Variants in APOD observed in about 807,000 individuals in gnomAD.
APOD encodes the protein apo-D.
In APOD, 22 loss-of-function variants were observed where a neutral mutation model predicts 20.4. That is an observed-to-expected ratio of 1.08 (90% CI 0.77 to 1.54). The LOEUF (loss-of-function observed/expected upper bound fraction) is 1.54, where lower values mean the gene tolerates loss of function less well. APOD is among the 40% of genes most tolerant of loss of function. The pLI, the probability that APOD is intolerant of heterozygous loss-of-function variation, is 0.00. For synonymous variants in APOD, 97 were observed against 92.4 expected, an observed-to-expected ratio of 1.05 and a Z score of -0.29; for missense variants, 223 against 229.6, an observed-to-expected ratio of 0.97 and a Z score of 0.19.
intron 2 of APOD, 129 bp from the exon 3 acceptor site, chr3:195,574,100 G>T: frequency 8.1e-7 from 1 of 1,237,540 alleles, no homozygotes; most frequent in Non-Finnish European, 1.1e-6. Context: ...TGTTCCCAGT[G>T]GCAACTGGGC....
At chr3:195,582,203 C>A (rs1720350724) in intron 1 of APOD, among the ~76,000 whole-genome samples, 1 of 151,888 alleles carries the variant, frequency 6.6e-6, no homozygotes, top group Non-Finnish European at 1.5e-5. Flanking sequence ...TCAAAACAAG[C>A]AAACAAACAA....
chr3:195,574,543 C>T (rs1720219440), intron 2 of APOD, among the ~76,000 whole-genome samples: 1 of 152,110 alleles, frequency 6.6e-6, no homozygotes, highest in Non-Finnish European at 1.5e-5. Flanking sequence ...ACCAGGCCCT[C>T]CTAGGCTGCC....
chr3:195,578,428 G>A (rs1157015917), intron 2 of APOD, among the ~76,000 whole-genome samples: 1 of 152,056 alleles, frequency 6.6e-6, no homozygotes, highest in African/African-American at 2.4e-5. Context: ...TAACAACTTC[G>A]ATGTTACTGT....
chr3:195,579,530 T>C lies in APOD; in HGVS notation c.-34-35A>G, dbSNP rs552435020. On this transcript the variant is annotated intron_variant, in intron 1 of 4. Transcript: ENST00000343267. ...CGCAAAGCAGCTGGGGTTGTCATTCTGAGCCTTCTAAGGCCACACAATCAT... is the reference window on the plus strand; with the variant it reads ...CGCAAAGCAGCTGGGGTTGTCATTCCGAGCCTTCTAAGGCCACACAATCAT... 21 of 1,588,930 alleles carry C rather than the reference T, an allele frequency of 1.3e-5. No individual in the cohort carries two copies. In the African/African-American group the frequency reaches 1.9e-4, roughly 14 times the overall value.
chr3:195,581,778 A>T (rs1233913582), intron 1 of APOD, among the ~76,000 whole-genome samples: 1 of 152,236 alleles, frequency 6.6e-6, no homozygotes, highest in Non-Finnish European at 1.5e-5. Context: ...TTGTGAGCTG[A>T]AACAGATTCT....
chr3:195,573,725 C>A, intron 3 of APOD, 125 bp downstream of exon 3: 1 of 1,273,524 alleles, frequency 7.9e-7, no homozygotes. Flanking sequence ...CCTCTCAATT[C>A]CTGCTAGGAG....
chr3:195,571,401 C>CGAAAAGA, intron 3 of APOD, 36 bp from the exon 4 acceptor site: 1 of 1,572,340 alleles, frequency 6.4e-7, no homozygotes, highest in East Asian at 2.2e-5. Flanking sequence ...ATACAAAAAA[C>CGAAAAGA]GAAAAGAGAA....
intron 3 of APOD, among the ~76,000 whole-genome samples, chr3:195,572,821 G>A (rs185582057): frequency 1.1e-3 from 160 of 152,140 alleles, no homozygotes; most frequent in Non-Finnish European, 1.5e-3. Context: ...GACCAGCCTG[G>A]CCAACACAGT....
At position 195,569,018 on chromosome 3, in the gene APOD, C is replaced by T; in HGVS notation, c.452G>A (p.Arg151Lys). Residue 151 changes from arginine (R) to lysine (K), a missense_variant, in exon 5 of 5, where the codon AGA (arginine) becomes AAA (lysine). By Grantham distance (26) the Arg-to-Lys change is conservative (BLOSUM62 2). Transcript: ENST00000343267. ...FHVDFAWILA[R>K]NPNLPPETVD... ...TGTTTCTGGAGGGAGATTAGGGTTT[C>T]TTGCCAAGATCCAAGCAAAATCCAC... The T allele has an allele frequency of 3.1e-6, 5 of 1,614,084 alleles. No individual in the cohort carries two copies. Among genetic ancestry groups the T allele is most frequent in the Non-Finnish European group, 4.2e-6 (5 of 1,179,996 alleles).
intron 3 of APOD, among the ~76,000 whole-genome samples, chr3:195,571,905 C>G (rs1021082395): frequency 6.6e-6 from 1 of 151,954 alleles, no homozygotes; most frequent in Non-Finnish European, 1.5e-5. Flanking sequence ...TCAGCCTCCC[C>G]AGGAGCTGAG....
chr3:195,582,132 T>C (rs934269326), intron 1 of APOD, among the ~76,000 whole-genome samples: 1 of 151,994 alleles, frequency 6.6e-6, no homozygotes, highest in African/African-American at 2.4e-5. Flanking sequence ...AGGTGGAGGT[T>C]GTGGTGAGCT....
intron 1 of APOD, among the ~76,000 whole-genome samples, chr3:195,580,303 C>T (rs1424640919): frequency 4.0e-5 from 6 of 151,444 alleles, no homozygotes; most frequent in Non-Finnish European, 8.8e-5. Context: ...TTGTTATTAT[C>T]AAAAGCAGAA....
At position 195,576,043 on chromosome 3, in the gene APOD, A is replaced by G. The variant is rs1720242723; in HGVS notation, c.124-2072T>C. Among the ~76,000 whole-genome samples the G allele has an allele frequency of 2.0e-5, 3 of 152,230 alleles. No individual in the cohort carries two copies. The South Asian group carries it at 6.2e-4, about 31-fold the overall frequency. On this transcript the variant is annotated intron_variant, in intron 2 of 4. Coordinates refer to ENST00000343267, the MANE Select transcript of APOD (RefSeq NM_001647.4). The stretch of plus-strand genomic sequence containing the variant: ...CAGCCACGGCTTTCCGCTCAAATGT[A>G]TGCCACATTCATGACCATAAAGTTC...
At chr3:195,573,829 C>G (rs563470417) in intron 3 of APOD, 21 bp downstream of exon 3, 2 of 1,611,780 alleles carry the variant, frequency 1.2e-6, no homozygotes, top group East Asian at 2.2e-5. Context: ...GGCCTGGCCC[C>G]GGACGCCCAC....
intron 4 of APOD, 44 bp from the exon 5 acceptor site, chr3:195,569,179 G>A (rs773458095): frequency 6.4e-7 from 1 of 1,551,348 alleles, no homozygotes; most frequent in South Asian, 1.1e-5. Flanking sequence ...GAGAGGGCAA[G>A]AGAAATCTCA....
At chr3:195,575,905 C>T (rs1055855373) in intron 2 of APOD, among the ~76,000 whole-genome samples, 4 of 152,242 alleles carry the variant, frequency 2.6e-5, no homozygotes, top group African/African-American at 9.6e-5. Flanking sequence ...GGATTACAGG[C>T]GTGAGCCACC....
intron 1 of APOD, among the ~76,000 whole-genome samples, chr3:195,581,119 T>A (rs1478509755): frequency 6.6e-6 from 1 of 152,244 alleles, no homozygotes; most frequent in African/African-American, 2.4e-5. Flanking sequence ...AAATACCCTT[T>A]AATAATCAAT....
chr3:195,570,229 C>T (rs1179430191), intron 4 of APOD, among the ~76,000 whole-genome samples: 1 of 152,140 alleles, frequency 6.6e-6, no homozygotes, highest in Non-Finnish European at 1.5e-5. Flanking sequence ...GTTTGGAGAC[C>T]TAGGTTTAGG....
At chr3:195,573,498 A>C (rs1720199743) in intron 3 of APOD, among the ~76,000 whole-genome samples, 1 of 152,210 alleles carries the variant, frequency 6.6e-6, no homozygotes, top group South Asian at 2.1e-4. Context: ...AGTTCCTGGA[A>C]GTGTTTGAAC....
Sources: gnomAD v4.1 joint callset for allele counts (sites outside exome capture counted in the v4.1 genomes callset) on GRCh38, gnomAD v4.1.1 for gene constraint, MANE v1.5 for transcripts, NCBI Gene and HGNC (gene_info 2026-07-23, HGNC 2026-07-21) for gene names.